Variants in PTPRD observed in about 807,000 individuals in gnomAD.
PTPRD encodes the protein receptor-type tyrosine-protein phosphatase delta.
A neutral mutation model predicts 214.5 loss-of-function variants in PTPRD; 34 were observed. That is an observed-to-expected ratio of 0.16 (90% confidence interval 0.12 to 0.21). PTPRD has a LOEUF of 0.21. Among genes scored for constraint, PTPRD ranks in the 10% least tolerant of loss-of-function variants. PTPRD has a pLI of 1.00. For synonymous variants in PTPRD, 1,128 were observed against 845.7 expected, an observed-to-expected ratio of 1.33 and a Z score of -5.79; for missense variants, 2,545 against 2,398.7, an observed-to-expected ratio of 1.06 and a Z score of -1.27.
intron 11 of PTPRD, among the ~76,000 whole-genome samples, chr9:8,904,780 A>C (rs911329822): frequency 6.6e-6 from 1 of 152,044 alleles, no homozygotes; most frequent in Non-Finnish European, 1.5e-5. Flanking sequence ...TAAAATAACA[A>C]ATGTACTTGG....
At chr9:10,272,234 G>A (rs527485389) in intron 3 of PTPRD, among the ~76,000 whole-genome samples, 5 of 152,000 alleles carry the variant, frequency 3.3e-5, no homozygotes, top group East Asian at 1.9e-4. Flanking sequence ...GGCTTCTTTC[G>A]CTTAACATAA....
chr9:9,028,933 T>TG (rs5896294), intron 10 of PTPRD, among the ~76,000 whole-genome samples: 23,876 of 151,602 alleles, frequency 0.16, 1,922 homozygotes, highest in East Asian at 0.19. Context: ...GGAATGAAAA[T>TG]GGGGGGCATA....
chr9:9,980,810 G>T lies in PTPRD; in HGVS notation c.-471-42200C>A, dbSNP rs148743334. On this transcript the variant is annotated intron_variant, in intron 4 of 45. Transcript: ENST00000381196. The stretch of plus-strand genomic sequence containing the variant: ...GAAAATTAATAGATAATTAGGCAAA[G>T]CGTATTTATAGGTAGTTCACAGAAA... 2.9e-3 allele frequency among the ~76,000 whole-genome samples: 434 copies of T among 151,820 alleles called. 1 individual carries two copies. The highest frequency in any genetic ancestry group is 9.5e-3 in the African/African-American group (394 of 41,398).
intron 2 of PTPRD, among the ~76,000 whole-genome samples, chr9:10,547,062 T>C (rs1382387636): frequency 6.6e-6 from 1 of 152,098 alleles, no homozygotes; most frequent in Non-Finnish European, 1.5e-5. Flanking sequence ...CTACAGGTCA[T>C]ATGACGCTTT....
At chr9:9,732,492 G>A (rs917945547) in intron 7 of PTPRD, among the ~76,000 whole-genome samples, 5 of 152,062 alleles carry the variant, frequency 3.3e-5, no homozygotes, top group Admixed American at 3.3e-4. Flanking sequence ...AATTCATACT[G>A]ACAATTTAAA....
chr9:9,976,736 G>C (rs1021328508), intron 4 of PTPRD, among the ~76,000 whole-genome samples: 7 of 122,342 alleles, frequency 5.7e-5, no homozygotes, highest in African/African-American at 2.4e-4. Context: ...TGTCTAAATA[G>C]TTAGTCACCA....
chr9:10,307,127 A>G (rs913203902), intron 3 of PTPRD, among the ~76,000 whole-genome samples: 3 of 152,022 alleles, frequency 2.0e-5, no homozygotes, highest in African/African-American at 7.2e-5. Context: ...ATTGTTGTTA[A>G]CTATAGTTAC....
chr9:8,567,410 C>T (rs894602265), intron 14 of PTPRD, among the ~76,000 whole-genome samples: 1 of 152,158 alleles, frequency 6.6e-6, no homozygotes, highest in African/African-American at 2.4e-5. Flanking sequence ...GTGTTGTTAA[C>T]GTGTCCTACT....
intron 3 of PTPRD, among the ~76,000 whole-genome samples, chr9:10,036,985 G>C (rs557718375): frequency 6.6e-6 from 1 of 152,162 alleles, no homozygotes; most frequent in East Asian, 1.9e-4. Flanking sequence ...CCAGGCTTAA[G>C]TGATCCTACC....
chr9:8,801,216 C>T (rs1468191123), intron 11 of PTPRD, among the ~76,000 whole-genome samples: 1 of 152,132 alleles, frequency 6.6e-6, no homozygotes, highest in Non-Finnish European at 1.5e-5. Flanking sequence ...AATGCACTGG[C>T]AGTTTTTATT....
chr9:8,586,788 T>C (rs552248277), intron 14 of PTPRD, among the ~76,000 whole-genome samples: 6 of 152,320 alleles, frequency 3.9e-5, no homozygotes, highest in East Asian at 3.9e-4. Flanking sequence ...TACTAGATTT[T>C]AAAATATAAA....
intron 30 of PTPRD, among the ~76,000 whole-genome samples, chr9:8,482,875 G>T (rs72694713): frequency 2.0e-3 from 310 of 151,536 alleles, no homozygotes; most frequent in Non-Finnish European, 3.8e-3. Context: ...TTTATTATTT[G>T]TATGCCTCCT....
At chr9:10,147,654 T>C (rs2099032561) in intron 3 of PTPRD, among the ~76,000 whole-genome samples, 1 of 152,068 alleles carries the variant, frequency 6.6e-6, no homozygotes, top group Admixed American at 6.6e-5. Context: ...CCAAGGTGTG[T>C]GGATCATCTG....
At chr9:8,988,644 A>C (rs2099354627) in intron 11 of PTPRD, among the ~76,000 whole-genome samples, 1 of 152,072 alleles carries the variant, frequency 6.6e-6, no homozygotes, top group Non-Finnish European at 1.5e-5. Context: ...ATGATTTAAC[A>C]GTGTAATCCC....
chr9:8,693,521 G>A (rs2097850834), intron 12 of PTPRD, among the ~76,000 whole-genome samples: 1 of 152,102 alleles, frequency 6.6e-6, no homozygotes, highest in Non-Finnish European at 1.5e-5. Context: ...TTCTTTGCAA[G>A]CACTTTATCA....
intron 9 of PTPRD, among the ~76,000 whole-genome samples, chr9:9,295,125 GTAATCAGGAAAA>G (rs913401350): frequency 2.0e-5 from 3 of 151,676 alleles, no homozygotes; most frequent in Admixed American, 6.6e-5. Context: ...GAAAAGCTGG[GTAATCAGGAAAA>G]TAAAATACGT....
At chr9:8,739,786 G>C (rs1403830714) in intron 11 of PTPRD, among the ~76,000 whole-genome samples, 1 of 152,162 alleles carries the variant, frequency 6.6e-6, no homozygotes, top group African/African-American at 2.4e-5. Flanking sequence ...CCCAGTGGGA[G>C]ATAACTGAAT....
chr9:10,522,936 C>T (rs2052850188), intron 2 of PTPRD, among the ~76,000 whole-genome samples: 1 of 151,862 alleles, frequency 6.6e-6, no homozygotes. Flanking sequence ...GGTTTTTAAT[C>T]ATAATTTTTA....
chr9:8,708,636 A>ACCAGTGCACT (rs1366451324), intron 12 of PTPRD, among the ~76,000 whole-genome samples: 1 of 136,218 alleles, frequency 7.3e-6, no homozygotes, highest in African/African-American at 2.6e-5. Context: ...CCCAGATCGC[A>ACCAGTGCACT]CCAGTGCACT....
Sources: allele counts gnomAD v4.1 joint callset (sites outside exome capture counted in the v4.1 genomes callset), GRCh38; gene constraint gnomAD v4.1.1; transcripts MANE v1.5; gene names NCBI Gene and HGNC (gene_info 2026-07-23, HGNC 2026-07-21).